Variants in LRMDA observed in about 807,000 individuals in gnomAD.
The protein encoded by LRMDA is leucine rich melanocyte differentiation associated.
In LRMDA, 18 loss-of-function variants were observed where a neutral mutation model predicts 29.8. The ratio of observed to expected loss-of-function variants is 0.60; its 90% CI spans 0.42 to 0.90. LRMDA has a LOEUF of 0.90. Ranked by LOEUF, LRMDA falls within the 40% of genes least tolerant of loss-of-function variation. LRMDA has a pLI of 0.00. For synonymous variants in LRMDA, 125 were observed against 109.4 expected (o/e 1.14, Z -0.89); for missense variants, 273 against 273.9 (o/e 1.00, Z 0.02).
intron 2 of LRMDA, among the ~76,000 whole-genome samples, chr10:75,868,289 A>G (rs1217047151): frequency 1.3e-5 from 2 of 152,208 alleles, no homozygotes; most frequent in Non-Finnish European, 2.9e-5. Flanking sequence ...TCCCACACCA[A>G]TCCCCCATTA....
chr10:75,642,779 A>G (rs1470262830), intron 2 of LRMDA: 1 of 152,184 alleles, frequency 6.6e-6, no homozygotes, highest in Admixed American at 6.5e-5. Context: ...TGCTAACTCT[A>G]GAGTTAGCAG....
At chr10:75,641,318 A>G (rs989213524) in intron 2 of LRMDA, among the ~76,000 whole-genome samples, 5 of 152,050 alleles carry the variant, frequency 3.3e-5, no homozygotes, top group Non-Finnish European at 5.9e-5. Context: ...AAGGCTTCCT[A>G]CAGAAGGTGT....
intron 5 of LRMDA, among the ~76,000 whole-genome samples, chr10:76,224,439 G>A (rs1851911676): frequency 6.6e-6 from 1 of 151,948 alleles, no homozygotes; most frequent in South Asian, 2.1e-4. Context: ...AGGCATGGTA[G>A]CATGCACCTG....
chr10:75,734,286 T>C (rs1842733573), intron 2 of LRMDA, among the ~76,000 whole-genome samples: 1 of 152,052 alleles, frequency 6.6e-6, no homozygotes, highest in Admixed American at 6.5e-5. Flanking sequence ...AGAGAGAGAA[T>C]GAAATCACAC....
At chr10:75,663,106 A>C (rs1367212700) in intron 2 of LRMDA, among the ~76,000 whole-genome samples, 1 of 152,166 alleles carries the variant, frequency 6.6e-6, no homozygotes, top group African/African-American at 2.4e-5. Context: ...AAGGAAGCCA[A>C]GCTATTTTTA....
chr10:76,459,985 T>C (rs942199947), intron 6 of LRMDA, among the ~76,000 whole-genome samples: 2 of 152,166 alleles, frequency 1.3e-5, no homozygotes, highest in Non-Finnish European at 2.9e-5. Flanking sequence ...GTGTGGCCAT[T>C]GCCTCTGGAG....
At chr10:75,954,727 C>T (rs1846635929) in intron 2 of LRMDA, among the ~76,000 whole-genome samples, 1 of 152,194 alleles carries the variant, frequency 6.6e-6, no homozygotes, top group South Asian at 2.1e-4. Flanking sequence ...TGAGAAAGTG[C>T]TAGTATCAAA....
chr10:75,767,020 C>T (rs990919517), intron 2 of LRMDA, among the ~76,000 whole-genome samples: 4 of 152,054 alleles, frequency 2.6e-5, no homozygotes, highest in Middle Eastern at 3.2e-3. Context: ...ATATGTACCA[C>T]GTTTTCTTTA....
intron 2 of LRMDA, among the ~76,000 whole-genome samples, chr10:75,826,238 A>C (rs1844244880): frequency 6.6e-6 from 1 of 152,190 alleles, no homozygotes; most frequent in Non-Finnish European, 1.5e-5. Flanking sequence ...CCAGAGATGA[A>C]GAAGCTGGAG....
chr10:75,847,207 G>A (rs1442886905), intron 2 of LRMDA, among the ~76,000 whole-genome samples: 1 of 152,154 alleles, frequency 6.6e-6, no homozygotes, highest in African/African-American at 2.4e-5. Context: ...ACCATTGTGT[G>A]TATGGTCAAA....
chr10:75,846,167 GTGTGTGTGTT>G (rs1381614739), intron 2 of LRMDA, among the ~76,000 whole-genome samples: 87 of 131,702 alleles, frequency 6.6e-4, no homozygotes, highest in African/African-American at 2.6e-3. Flanking sequence ...TTACTTATTT[GTGTGTGTGTT>G]TGTGTGTGTG....
intron 2 of LRMDA, among the ~76,000 whole-genome samples, chr10:75,816,650 T>C (rs1466221772): frequency 1.3e-5 from 2 of 152,216 alleles, no homozygotes; most frequent in African/African-American, 4.8e-5. Flanking sequence ...GAACTTCTTA[T>C]TGTAAGTAAC....
chr10:75,948,317 G>A (rs944413716), intron 2 of LRMDA, among the ~76,000 whole-genome samples: 3 of 152,146 alleles, frequency 2.0e-5, no homozygotes, highest in Non-Finnish European at 4.4e-5. Flanking sequence ...CTTTGTTCCC[G>A]AGCAGGTTAG....
chr10:76,003,560 G>C (rs1369300089), intron 2 of LRMDA, among the ~76,000 whole-genome samples: 1 of 152,158 alleles, frequency 6.6e-6, no homozygotes, highest in Non-Finnish European at 1.5e-5. Flanking sequence ...ATGGAAAAAA[G>C]AAAAAGAGAG....
At chr10:76,007,097 C>T (rs1268213827) in intron 2 of LRMDA, among the ~76,000 whole-genome samples, 2 of 151,468 alleles carry the variant, frequency 1.3e-5, no homozygotes, top group Admixed American at 6.6e-5. Flanking sequence ...CTTCTGTAGC[C>T]GATGTAACAA....
At position 75,516,694 on chromosome 10, in the gene LRMDA, C is replaced by T. The variant is rs189349926; in HGVS notation, c.131+78200C>T. Among the ~76,000 whole-genome samples, 4 of 152,160 alleles carry T rather than the reference C, an allele frequency of 2.6e-5. No individual in the cohort carries two copies. The East Asian group carries it at 7.7e-4, about 29-fold the overall frequency. ...TAGTTTCTTTTGCCTTGCAGAAGCT[C>T]TTTAGTTTAATTAGATCCCATTTGT... On this transcript the variant is annotated intron_variant, in intron 2 of 6. Transcript: ENST00000611255.
chr10:75,779,713 G>C (rs1038954207), intron 2 of LRMDA, among the ~76,000 whole-genome samples: 2 of 152,134 alleles, frequency 1.3e-5, no homozygotes, highest in Admixed American at 1.3e-4. Context: ...CTGGCTTCTT[G>C]TAGTGACTCA....
At chr10:75,754,871 G>A (rs570970366) in intron 2 of LRMDA, among the ~76,000 whole-genome samples, 4 of 152,012 alleles carry the variant, frequency 2.6e-5, no homozygotes, top group Non-Finnish European at 5.9e-5. Flanking sequence ...ACGGTCCGTA[G>A]GAGCCATAGA....
chr10:76,065,482 C>G (rs567748769), intron 5 of LRMDA, among the ~76,000 whole-genome samples: 1 of 152,332 alleles, frequency 6.6e-6, no homozygotes, highest in African/African-American at 2.4e-5. Context: ...TTACTGTTTC[C>G]CTGATGGGAC....
Sources: gnomAD v4.1 joint callset for allele counts (sites outside exome capture counted in the v4.1 genomes callset) on GRCh38, gnomAD v4.1.1 for gene constraint, MANE v1.5 for transcripts, NCBI Gene and HGNC (gene_info 2026-07-23, HGNC 2026-07-21) for gene names.